Variants in MTHFD2L observed in about 807,000 individuals in gnomAD.
MTHFD2L encodes the protein bifunctional methylenetetrahydrofolate dehydrogenase/cyclohydrolase 2, mitochondrial.
In MTHFD2L, 29 loss-of-function variants were observed where a neutral mutation model predicts 34.9. The observed-to-expected ratio is 0.83, with a 90% CI of 0.62 to 1.13. The LOEUF is 1.13. MTHFD2L is among the 50% of genes most tolerant of loss of function. MTHFD2L has a pLI of 0.00. For missense variants in MTHFD2L, 481 were observed against 446.5 expected (o/e 1.08, Z -0.70); for synonymous variants, 167 against 155.7 (o/e 1.07, Z -0.54).
intron 6 of MTHFD2L, among the ~76,000 whole-genome samples, chr4:74,263,097 A>G (rs946328195): frequency 2.0e-5 from 3 of 151,708 alleles, no homozygotes; most frequent in African/African-American, 2.4e-5. Flanking sequence ...CTATATATAT[A>G]TGTGTATATA....
intron 1 of MTHFD2L, among the ~76,000 whole-genome samples, chr4:74,136,338 C>A (rs1578238197): frequency 6.6e-6 from 1 of 151,914 alleles, no homozygotes; most frequent in East Asian, 1.9e-4. Flanking sequence ...CAAGACTGAT[C>A]TAGCCAAAAA....
upstream of MTHFD2L, among the ~76,000 whole-genome samples, chr4:74,118,388 G>A (rs1721691761): frequency 2.0e-5 from 3 of 152,314 alleles, no homozygotes; most frequent in South Asian, 6.2e-4. Flanking sequence ...ACAGTGCACA[G>A]TATACCAGGA....
intron 5 of MTHFD2L, among the ~76,000 whole-genome samples, chr4:74,203,074 AATG>A (rs1560483004): frequency 1.3e-5 from 2 of 152,310 alleles, no homozygotes; most frequent in East Asian, 3.9e-4. Flanking sequence ...TAAAATGATG[AATG>A]ATGACACTTT....
chr4:74,272,932 A>G (rs1459783492), intron 6 of MTHFD2L, among the ~76,000 whole-genome samples: 1 of 152,170 alleles, frequency 6.6e-6, no homozygotes, highest in African/African-American at 2.4e-5. Flanking sequence ...TCAGAGTCCA[A>G]TCTATGTTTA....
At chr4:74,293,539 T>G in intron 7 of MTHFD2L, 4 of 983,606 alleles carry the variant, frequency 4.1e-6, no homozygotes, top group Non-Finnish European at 4.8e-6. Context: ...TGTGGAAACC[T>G]CAAGATTCAG....
chr4:74,221,931 C>A (rs1473129477), intron 5 of MTHFD2L, among the ~76,000 whole-genome samples: 2 of 151,722 alleles, frequency 1.3e-5, no homozygotes, highest in Admixed American at 6.6e-5. Context: ...TACTCTAGTA[C>A]AATAAATAAA....
chr4:74,273,588 A>C (rs573283983), intron 6 of MTHFD2L, among the ~76,000 whole-genome samples: 5 of 152,186 alleles, frequency 3.3e-5, no homozygotes, highest in Non-Finnish European at 7.3e-5. Context: ...GTTCATATCA[A>C]AACGCCTTGA....
chr4:74,283,095 A>G (rs1166238901), intron 7 of MTHFD2L, among the ~76,000 whole-genome samples: 2 of 152,164 alleles, frequency 1.3e-5, no homozygotes, highest in African/African-American at 4.8e-5. Context: ...ATGCACCCAG[A>G]TGGCACTGAC....
chr4:74,227,697 G>C (rs1000509863), intron 6 of MTHFD2L, among the ~76,000 whole-genome samples: 1 of 152,102 alleles, frequency 6.6e-6, no homozygotes, highest in African/African-American at 2.4e-5. Flanking sequence ...GGACGTTGTC[G>C]GCCATGGTTA....
intron 2 of MTHFD2L, among the ~76,000 whole-genome samples, chr4:74,117,711 C>T (rs767367372): frequency 3.9e-5 from 6 of 152,172 alleles, no homozygotes; most frequent in East Asian, 1.9e-4. Context: ...GAGCTGCTTC[C>T]GCAGCAGGCC....
At chr4:74,300,092 T>C (rs1475329265) in intron 7 of MTHFD2L, among the ~76,000 whole-genome samples, 1 of 152,054 alleles carries the variant, frequency 6.6e-6, no homozygotes, top group Non-Finnish European at 1.5e-5. Flanking sequence ...CTAATGTTTC[T>C]ATAGAATAGA....
upstream of MTHFD2L, chr4:74,156,719 T>C (rs1032928287): frequency 3.9e-5 from 6 of 152,212 alleles, no homozygotes; most frequent in African/African-American, 1.4e-4. Flanking sequence ...CAGCATTTCG[T>C]ATTATCAATT....
chr4:74,242,212 A>G (rs997772874), intron 6 of MTHFD2L: 1 of 152,218 alleles, frequency 6.6e-6, no homozygotes, highest in Admixed American at 6.5e-5. Flanking sequence ...AAATAAAAAC[A>G]GACTACAAAA....
chr4:74,251,293 C>T (rs1181865287), intron 6 of MTHFD2L, among the ~76,000 whole-genome samples: 1 of 152,162 alleles, frequency 6.6e-6, no homozygotes, highest in Non-Finnish European at 1.5e-5. Context: ...AACCAAGTCT[C>T]TTGTAAATAG....
chr4:74,301,654 A>G, intron 7 of MTHFD2L, 43 bp from the exon 8 acceptor site: 1 of 1,182,576 alleles, frequency 8.5e-7, no homozygotes, highest in South Asian at 1.5e-5. Flanking sequence ...AATCTCAGAT[A>G]TTTTAAAATA....
At chr4:74,276,927 AT>A (rs955460335) in intron 6 of MTHFD2L, among the ~76,000 whole-genome samples, 7 of 150,264 alleles carry the variant, frequency 4.7e-5, no homozygotes, top group Non-Finnish European at 5.9e-5. Flanking sequence ...AAGAAAGAGG[AT>A]TTTTTTTTTA....
chr4:74,118,479 T>C (rs190693677), upstream of MTHFD2L, among the ~76,000 whole-genome samples: 187 of 152,306 alleles, frequency 1.2e-3, 2 homozygotes, highest in South Asian at 8.3e-4. Flanking sequence ...TGGACTGAAT[T>C]GCATTCCCTG....
At chr4:74,218,268 G>A (rs955248802) in intron 5 of MTHFD2L, among the ~76,000 whole-genome samples, 1 of 152,052 alleles carries the variant, frequency 6.6e-6, no homozygotes, top group African/African-American at 2.4e-5. Context: ...AGTGATGGCT[G>A]TAGAGTTGCA....
At chr4:74,118,233 T>C (rs903452169) in intron 2 of MTHFD2L, among the ~76,000 whole-genome samples, 1 of 152,212 alleles carries the variant, frequency 6.6e-6, no homozygotes, top group Non-Finnish European at 1.5e-5. Context: ...TTTGCTTTTC[T>C]TGTCTAGTGA....
Sources: gnomAD v4.1 joint callset for allele counts (sites outside exome capture counted in the v4.1 genomes callset) on GRCh38, gnomAD v4.1.1 for gene constraint, MANE v1.5 for transcripts, NCBI Gene and HGNC (gene_info 2026-07-23, HGNC 2026-07-21) for gene names.